The following FHIT variants were observed in gnomAD, a reference collection of about 807,000 sequenced individuals.
FHIT encodes the protein bis(5'-adenosyl)-triphosphatase.
FHIT carries 19 observed loss-of-function variants against 17.9 expected under a neutral mutation model. The ratio of observed to expected loss-of-function variants is 1.06; its 90% CI spans 0.74 to 1.56. The LOEUF (loss-of-function observed/expected upper bound fraction) is 1.56. Ranked by LOEUF, FHIT falls within the 40% of genes most tolerant of loss-of-function variation. FHIT has a pLI of 0.00. For missense variants in FHIT, 248 were observed against 189.2 expected, an observed-to-expected ratio of 1.31 and a Z score of -1.82; for synonymous variants, 81 against 69.7, an observed-to-expected ratio of 1.16 and a Z score of -0.81.
chr3:60,521,372 C>G (rs376957369), intron 5 of FHIT, among the ~76,000 whole-genome samples: 235 of 152,208 alleles, frequency 1.5e-3, no homozygotes, highest in African/African-American at 5.4e-3. Context: ...CTCAACCTCC[C>G]GAGTAGCTGG....
intron 4 of FHIT, among the ~76,000 whole-genome samples, chr3:60,744,246 TAAA>T (rs368982395): frequency 9.7e-5 from 3 of 30,920 alleles, no homozygotes; most frequent in African/African-American, 3.9e-4. Flanking sequence ...GGAAGTAATG[TAAA>T]AAAAAAAACA....
At chr3:60,670,991 A>G (rs2040491164) in intron 4 of FHIT, among the ~76,000 whole-genome samples, 1 of 152,188 alleles carries the variant, frequency 6.6e-6, no homozygotes, top group African/African-American at 2.4e-5. Flanking sequence ...TACATTGCCC[A>G]CCTTCATTCA....
intron 4 of FHIT, among the ~76,000 whole-genome samples, chr3:60,597,362 A>T (rs955142535): frequency 6.6e-6 from 1 of 152,130 alleles, no homozygotes; most frequent in African/African-American, 2.4e-5. Context: ...GGAGAGCAGC[A>T]TTGTTATTTT....
intron 5 of FHIT, among the ~76,000 whole-genome samples, chr3:60,270,205 GCAAA>G (rs1161201611): frequency 1.3e-5 from 2 of 152,266 alleles, no homozygotes; most frequent in Non-Finnish European, 2.9e-5. Flanking sequence ...ACAGAAGGCA[GCAAA>G]CAGAGAAAAA....
At chr3:60,982,771 C>T (rs1710551175) in intron 3 of FHIT, among the ~76,000 whole-genome samples, 1 of 152,186 alleles carries the variant, frequency 6.6e-6, no homozygotes, top group African/African-American at 2.4e-5. Flanking sequence ...TTCCATGAGA[C>T]TTTAATCTTT....
chr3:60,782,237 G>GTATATATATATATATATATATATATA (rs11272366), intron 4 of FHIT, among the ~76,000 whole-genome samples: 25 of 95,558 alleles, frequency 2.6e-4, no homozygotes, highest in African/African-American at 6.0e-4. Flanking sequence ...GTGTGTGTGT[G>GTATATATATATATATATATATATATA]TATATATATA....
intron 3 of FHIT, among the ~76,000 whole-genome samples, chr3:60,857,337 C>G (rs1350988239): frequency 6.6e-6 from 1 of 152,118 alleles, no homozygotes; most frequent in Non-Finnish European, 1.5e-5. Context: ...CTATCATGTT[C>G]CATGATTTTG....
At chr3:61,073,051 G>A (rs1197095674) in intron 2 of FHIT, among the ~76,000 whole-genome samples, 1 of 152,098 alleles carries the variant, frequency 6.6e-6, no homozygotes, top group Non-Finnish European at 1.5e-5. Context: ...GACATGTGCT[G>A]TAATGGATTA....
chr3:61,014,641 G>C (rs531477200), intron 3 of FHIT, among the ~76,000 whole-genome samples: 2 of 150,936 alleles, frequency 1.3e-5, no homozygotes, highest in South Asian at 2.1e-4. Flanking sequence ...TTAGCCAGGC[G>C]TGGTGGTGGG....
At chr3:61,228,113 C>T (rs1324489321) in intron 1 of FHIT, among the ~76,000 whole-genome samples, 1 of 151,864 alleles carries the variant, frequency 6.6e-6, no homozygotes, top group Non-Finnish European at 1.5e-5. Context: ...GAATATGCCA[C>T]CCCAAAATAT....
At chr3:59,964,441 C>A (rs770422884) in intron 7 of FHIT, among the ~76,000 whole-genome samples, 2 of 152,034 alleles carry the variant, frequency 1.3e-5, no homozygotes, top group South Asian at 4.1e-4. Context: ...ATCCATTACC[C>A]CATGTGATGG....
intron 3 of FHIT, among the ~76,000 whole-genome samples, chr3:60,861,204 T>TATATATGATATATATGATATATCATATC (rs1553752377): frequency 1.3e-3 from 1 of 784 alleles, no homozygotes; most frequent in Non-Finnish European, 2.1e-3. Context: ...TCATATATGA[T>TATATATGATATATATGATATATCATATC]ATATATGATA....
intron 2 of FHIT, among the ~76,000 whole-genome samples, chr3:61,167,958 T>A (rs1478438070): frequency 1.3e-5 from 2 of 152,166 alleles, no homozygotes; most frequent in African/African-American, 2.4e-5. Context: ...AACATAAAAA[T>A]CTGATCTATA....
intron 2 of FHIT, among the ~76,000 whole-genome samples, chr3:61,071,223 G>A (rs1235241673): frequency 6.6e-6 from 1 of 151,440 alleles, no homozygotes; most frequent in Non-Finnish European, 1.5e-5. Context: ...TACTCCAAAA[G>A]AAAAAGAAAA....
In FHIT at chr3:60,754,378, G is replaced by A. The variant is rs1324241430; in HGVS notation, c.-18+67541C>T. 3.9e-5 allele frequency among the ~76,000 whole-genome samples: 6 copies of A among 152,166 alleles called. No homozygotes were observed. In the East Asian group the frequency reaches 1.2e-3, roughly 29 times the overall value. On this transcript the variant is annotated intron_variant, in intron 4 of 9. Transcript: ENST00000492590. ...AGGGGGAATCTCACATACGAGTAGA[G>A]GCTGGTTTAGAAAAATCCTGCAGGA...
At chr3:59,786,436 C>T (rs1372547984) in intron 8 of FHIT, among the ~76,000 whole-genome samples, 1 of 152,188 alleles carries the variant, frequency 6.6e-6, no homozygotes, top group Non-Finnish European at 1.5e-5. Flanking sequence ...ATTTCTGGAT[C>T]ATAACAATTC....
At chr3:60,194,059 C>A (rs1282160287) in intron 5 of FHIT, among the ~76,000 whole-genome samples, 3 of 152,122 alleles carry the variant, frequency 2.0e-5, no homozygotes, top group Non-Finnish European at 4.4e-5. Flanking sequence ...TATCAAAAAA[C>A]CATTTTTTTC....
intron 5 of FHIT, among the ~76,000 whole-genome samples, chr3:60,469,740 G>A (rs765941452): frequency 5.9e-5 from 9 of 152,130 alleles, no homozygotes; most frequent in Non-Finnish European, 1.0e-4. Flanking sequence ...GAAGAGTTAG[G>A]TATTCACTGT....
intron 5 of FHIT, among the ~76,000 whole-genome samples, chr3:60,419,897 T>G (rs1446394200): frequency 6.6e-6 from 1 of 152,154 alleles, no homozygotes; most frequent in Non-Finnish European, 1.5e-5. Flanking sequence ...CTTAGAGAAT[T>G]CATGTCAATT....
Sources: gnomAD v4.1 joint callset for allele counts (sites outside exome capture counted in the v4.1 genomes callset) on GRCh38, gnomAD v4.1.1 for gene constraint, MANE v1.5 for transcripts, NCBI Gene and HGNC (gene_info 2026-07-23, HGNC 2026-07-21) for gene names.